Variants in AMBP observed in about 807,000 individuals in gnomAD.
AMBP encodes the protein alpha-1-microglobulin/bikunin precursor, also known as protein AMBP.
In AMBP, 37 loss-of-function variants were observed where a neutral mutation model predicts 46.3. That is an observed-to-expected ratio of 0.80 (90% CI 0.61 to 1.05). The LOEUF is 1.05. Among genes scored for constraint, AMBP ranks in the 50% least tolerant of loss-of-function variants. The pLI, the probability that AMBP is intolerant of heterozygous loss-of-function variation, is 0.00. For missense variants in AMBP, 475 were observed against 461.2 expected (o/e 1.03, Z -0.27); for synonymous variants, 174 against 175.9 (o/e 0.99, Z 0.09).
At position 114,061,578 on chromosome 9, in the gene AMBP, C is replaced by T. The variant is rs781154097; in HGVS notation, c.699G>A (p.Leu233=). 6.2e-6 allele frequency: 10 copies of T among 1,600,442 alleles called. No homozygotes were observed. Among genetic ancestry groups the T allele is most frequent in the Non-Finnish European group, 7.7e-6 (9 of 1,170,904 alleles). The change falls in exon 8 of 10, where the codon CTG becomes CTA. Residue 233 remains leucine, a synonymous_variant. Coordinates refer to ENST00000265132, the MANE Select transcript of AMBP (RefSeq NM_001633.4). Reference sequence around the variant, plus strand: ...CCATGCAGGGACCGGCCGAGTAGCCCAGCTGGCAGGAATCTAGGGAGGGGC... The same window carrying T: ...CCATGCAGGGACCGGCCGAGTAGCCTAGCTGGCAGGAATCTAGGGAGGGGC... ...EVTKKEDSCQ[L]GYSAGPCMGM... is the part of the protein sequence containing the mutation.
intron 6 of AMBP, 86 bp downstream of exon 6, chr9:114,069,613 C>T: frequency 3.0e-6 from 4 of 1,336,004 alleles, no homozygotes; most frequent in Non-Finnish European, 4.2e-6. Flanking sequence ...CTCTGCCTCC[C>T]CCCGCAGCAG....
chr9:114,075,475 A>G (rs1846796369), intron 2 of AMBP, among the ~76,000 whole-genome samples: 1 of 152,222 alleles, frequency 6.6e-6, no homozygotes, highest in Non-Finnish European at 1.5e-5. Flanking sequence ...GTGAGGGTCA[A>G]CTGACACATA....
chr9:114,077,981 G>T, intron 1 of AMBP, 112 bp downstream of exon 1: 2 of 1,008,670 alleles, frequency 2.0e-6, no homozygotes, highest in South Asian at 1.4e-5. Context: ...AATCCCAGAT[G>T]ATCTGAGTGG....
Position 114,073,009 on chromosome 9 carries a change from T to G in AMBP, c.472A>C (p.Arg158=). 6.2e-7 allele frequency: 1 copy of G among 1,613,600 alleles called. No individual in the cohort carries two copies. The highest frequency in any genetic ancestry group is 8.5e-7 in the Non-Finnish European group (1 of 1,179,740). The change falls in exon 5 of 10, where the codon AGG becomes CGG. Residue 158 remains arginine (R), a synonymous_variant. Coordinates refer to ENST00000265132, the MANE Select transcript of AMBP (RefSeq NM_001633.4). ...CTGAAGTCCTGCAGGAGAGTTTCCC[T>G]CAGCTGCGGCGCCCGCCCTGCAAGG... ...AKLYGRAPQL[R]ETLLQDFRVV... is the part of the protein sequence containing the mutation.
chr9:114,066,298 G>C (rs533084033), intron 6 of AMBP, among the ~76,000 whole-genome samples: 2 of 152,132 alleles, frequency 1.3e-5, no homozygotes, highest in East Asian at 3.9e-4. Flanking sequence ...GAAGAAAACA[G>C]AACTCAAGAA....
rs771092730 is a variant in AMBP, at chr9:114,076,661, C to G, written c.197G>C (p.Ser66Thr). The G allele has an allele frequency of 1.9e-6, 3 of 1,614,104 alleles. No individual in the cohort carries two copies. Among genetic ancestry groups the G allele is most frequent in the Admixed American group, 1.7e-5 (1 of 60,020 alleles). ...LKKIMDRMTVSTLVLGEGATE... is the reference protein window; with the variant it reads ...LKKIMDRMTVTTLVLGEGATE... ...AGCGCCCTCTCCCAGCACCAGCGTG[C>G]TCACTGTCATCCTGTCCATGATCTT... The change falls in exon 2 of 10, where the codon AGC (serine) becomes ACC (threonine). Residue 66 changes from serine to threonine, a missense_variant. Ser to Thr is a moderately conservative substitution (Grantham distance 58, BLOSUM62 1). Coordinates refer to ENST00000265132, the MANE Select transcript of AMBP (RefSeq NM_001633.4).
At chr9:114,066,114 A>G (rs1429479168) in intron 6 of AMBP, among the ~76,000 whole-genome samples, 1 of 152,192 alleles carries the variant, frequency 6.6e-6, no homozygotes, top group African/African-American at 2.4e-5. Flanking sequence ...CAGGGGTATT[A>G]GGGCTCAGCC....
At chr9:114,062,796 C>A in intron 6 of AMBP, 38 bp from the exon 7 acceptor site, 1 of 1,590,258 alleles carries the variant, frequency 6.3e-7, no homozygotes, top group Non-Finnish European at 8.6e-7. Context: ...GTTGCAGACT[C>A]CTTGCCGCTA....
chr9:114,074,073 G>A lies in AMBP; in HGVS notation c.417C>T (p.Ser139=), dbSNP rs1439818591. The A allele has an allele frequency of 3.1e-6, 5 of 1,614,052 alleles. No individual in the cohort carries two copies. The highest frequency in any genetic ancestry group is 4.2e-6 in the Non-Finnish European group (5 of 1,180,030). ...EYAIFLTKKF[S]RHHGPTITAK... is the part of the protein sequence containing the mutation. The stretch of plus-strand genomic sequence containing the variant: ...CAGTAATGGTGGGTCCATGATGGCG[G>A]CTGAATTTCTTGGTCAGGAAAATGG... The change falls in exon 4 of 10, where the codon AGC becomes AGT. Residue 139 remains serine, a synonymous_variant. Transcript: ENST00000265132.
chr9:114,069,623 G>T, intron 6 of AMBP, 76 bp downstream of exon 6: 1 of 1,375,482 alleles, frequency 7.3e-7, no homozygotes, highest in East Asian at 2.5e-5. Context: ...CCCCGCAGCA[G>T]GATCAAGTGT....
In AMBP at chr9:114,061,032, G is replaced by A. The variant is rs1413556462; in HGVS notation, c.920C>T (p.Ala307Val). ...GAAGAGGACGCACTTCCCCTTGACA[G>A]CATCAAATGCCCAGAGCTGGATGAA... ...RAFIQLWAFD[A>V]VKGKCVLFPY... Residue 307 changes from alanine (A) to valine (V), a missense_variant, in exon 9 of 10, where the codon GCT becomes GTT. Physicochemically the swap from Ala to Val is moderately conservative, Grantham distance 64. This residue lies in a region of AMBP where 293 missense variants were observed against 276.9 expected (regional missense o/e 1.06). Transcript: ENST00000265132. 1 of 1,614,260 alleles carries A rather than the reference G, an allele frequency of 6.2e-7. No individual in the cohort carries two copies. Among genetic ancestry groups the A allele is most frequent in the Non-Finnish European group, 8.5e-7 (1 of 1,180,048 alleles).
intron 2 of AMBP, 61 bp downstream of exon 2, chr9:114,076,537 G>A: frequency 6.3e-7 from 1 of 1,588,810 alleles, no homozygotes; most frequent in Admixed American, 1.7e-5. Flanking sequence ...GATGGACGGG[G>A]CTGGGAAGGT....
chr9:114,065,194 AC>A (rs369669622), intron 6 of AMBP, among the ~76,000 whole-genome samples: 4,022 of 152,234 alleles, frequency 0.026, 174 homozygotes, highest in African/African-American at 0.092. Flanking sequence ...TGGGGTCCTA[AC>A]CCCCCAGAAC....
chr9:114,070,973 G>A (rs1006623641), intron 5 of AMBP, among the ~76,000 whole-genome samples: 1 of 152,162 alleles, frequency 6.6e-6, no homozygotes, highest in African/African-American at 2.4e-5. Context: ...GGCCATGGAG[G>A]GAGCTTGCCA....
At chr9:114,072,326 GCAC>G (rs910544475) in intron 5 of AMBP, among the ~76,000 whole-genome samples, 15 of 152,128 alleles carry the variant, frequency 9.9e-5, no homozygotes, top group African/African-American at 3.6e-4. Flanking sequence ...CAGAGTGCTG[GCAC>G]CATGCCAGCA....
At position 114,078,248 on chromosome 9, in the gene AMBP, C is replaced by G. The variant is rs753511528; in HGVS notation, c.-39G>C. On this transcript the variant is annotated 5_prime_UTR_variant, in exon 1 of 10. Coordinates refer to ENST00000265132, the MANE Select transcript of AMBP (RefSeq NM_001633.4). Reference sequence around the variant, plus strand: ...TCTGCCTTGGTATATCCCACAGGCTCGGTCTAGCAACAGAAGGGCCACCGC... The same window carrying G: ...TCTGCCTTGGTATATCCCACAGGCTGGGTCTAGCAACAGAAGGGCCACCGC... 1.0e-5 allele frequency: 16 copies of G among 1,586,442 alleles called. No individual in the cohort carries two copies. In the East Asian group the frequency reaches 3.1e-4, roughly 31 times the overall value.
intron 8 of AMBP, 160 bp from the exon 9 acceptor site, chr9:114,061,258 G>T: frequency 7.2e-7 from 1 of 1,397,522 alleles, no homozygotes; most frequent in Non-Finnish European, 9.7e-7. Context: ...TGATTTGCCC[G>T]AGGTCCTCCA....
chr9:114,062,565 A>ACT, intron 7 of AMBP, 112 bp downstream of exon 7: 1 of 1,078,750 alleles, frequency 9.3e-7, no homozygotes, highest in Non-Finnish European at 1.4e-6. Flanking sequence ...CCAGCCCTTG[A>ACT]GTCTCTAACA....
At chr9:114,063,920 T>A (rs1016748737) in intron 6 of AMBP, among the ~76,000 whole-genome samples, 1 of 152,300 alleles carries the variant, frequency 6.6e-6, no homozygotes, top group East Asian at 1.9e-4. Context: ...AGAAAACTTT[T>A]TGAGTTAAAG....
Sources: gnomAD v4.1 joint callset for allele counts (sites outside exome capture counted in the v4.1 genomes callset) on GRCh38, gnomAD v4.1.1 for gene constraint, gnomAD v4.1.1 regional missense constraint, MANE v1.5 for transcripts, NCBI Gene and HGNC (gene_info 2026-07-23, HGNC 2026-07-21) for gene names.